HAPSTR1: variants seen among roughly 807,000 people sequenced by gnomAD.
HAPSTR1 encodes HUWE1-associated protein modifying stress responses 1.
At chr16:9,095,132 C>T in the HAPSTR1 span, among the ~76,000 whole-genome samples, 1 of 152,108 alleles carries the variant, frequency 6.6e-6, no homozygotes, top group African/African-American at 2.4e-5. Context: ...TTATTTTGTA[C>T]CTTGTTTCTG....
At chr16:9,105,700 C>CT in the HAPSTR1 span, 1 of 152,184 alleles carries the variant, frequency 6.6e-6, no homozygotes, top group Non-Finnish European at 1.5e-5. Context: ...ATATTATTTG[C>CT]TTAGCCAAAT....
At chr16:9,116,450 T>G in the HAPSTR1 span, among the ~76,000 whole-genome samples, 3 of 152,236 alleles carry the variant, frequency 2.0e-5, no homozygotes, top group South Asian at 6.2e-4. Flanking sequence ...TAATTGGTAG[T>G]TACCAATATT....
At chr16:9,095,010 G>A in the HAPSTR1 span, among the ~76,000 whole-genome samples, 2 of 152,100 alleles carry the variant, frequency 1.3e-5, no homozygotes, top group Non-Finnish European at 2.9e-5. Flanking sequence ...TTTACAATTT[G>A]TTTGTTTTCC....
the HAPSTR1 span, chr16:9,092,847 G>T: frequency 1.1e-5 from 15 of 1,401,360 alleles, no homozygotes; most frequent in South Asian, 1.8e-4. Context: ...TAACATTCTT[G>T]TTCTCTTTCT....
chr16:9,110,443 A>G, the HAPSTR1 span: 3 of 152,138 alleles, frequency 2.0e-5, no homozygotes, highest in African/African-American at 2.4e-5. Context: ...CTAAACCAGT[A>G]AGATTTTCTT....
At chr16:9,106,555 G>C in the HAPSTR1 span, 1 of 151,820 alleles carries the variant, frequency 6.6e-6, no homozygotes, top group Admixed American at 6.6e-5. Flanking sequence ...CTAAGTGGTG[G>C]GATTGCAGGT....
chr16:9,117,499 A>G, the HAPSTR1 span: 3 of 153,714 alleles, frequency 2.0e-5, no homozygotes, highest in Non-Finnish European at 4.4e-5. Context: ...AGGTGCTATG[A>G]TGGTCATGCA....
the HAPSTR1 span, chr16:9,119,163 C>A: frequency 6.6e-6 from 1 of 152,554 alleles, no homozygotes; most frequent in African/African-American, 2.4e-5. Context: ...CTTCTCTGTC[C>A]CATTGCTTTC....
the HAPSTR1 span, chr16:9,092,895 T>G: frequency 2.0e-6 from 3 of 1,503,054 alleles, no homozygotes; most frequent in Admixed American, 4.5e-5. Flanking sequence ...CTTTTTGGTT[T>G]TTTTTTTTTT....
At chr16:9,099,271 C>T in the HAPSTR1 span, among the ~76,000 whole-genome samples, 1 of 112,140 alleles carries the variant, frequency 8.9e-6, no homozygotes, top group African/African-American at 2.7e-5. Flanking sequence ...AATCTTGGCT[C>T]ATTGCAACCT....
the HAPSTR1 span, chr16:9,118,766 G>T: frequency 1.3e-5 from 2 of 152,618 alleles, no homozygotes; most frequent in Admixed American, 1.3e-4. Flanking sequence ...CTGGAATTGG[G>T]GTTTGGTGGT....
chr16:9,091,695 C>G, the HAPSTR1 span: 13 of 399,268 alleles, frequency 3.3e-5, no homozygotes, highest in South Asian at 1.3e-4. Context: ...GCGGAGGGCT[C>G]GGCGATCAGC....
At chr16:9,108,836 C>A in the HAPSTR1 span, 2 of 152,104 alleles carry the variant, frequency 1.3e-5, no homozygotes, top group Admixed American at 6.6e-5. Context: ...GATATACTTA[C>A]AAGACATTAT....
At chr16:9,093,039 G>T in the HAPSTR1 span, 1 of 1,566,542 alleles carries the variant, frequency 6.4e-7, no homozygotes, top group Admixed American at 1.8e-5. Flanking sequence ...TTCAGGGAAG[G>T]GCCGCCTGCG....
chr16:9,107,084 T>C, the HAPSTR1 span: 1 of 152,316 alleles, frequency 6.6e-6, no homozygotes, highest in East Asian at 1.9e-4. Flanking sequence ...ACCTCTCGTT[T>C]AGACCTTCTC....
the HAPSTR1 span, chr16:9,105,995 C>T: frequency 0.89 from 135,228 of 152,300 alleles, 60,125 homozygotes; most frequent in African/African-American, 0.93. Context: ...GCAGACTTGA[C>T]ACCTGCTGAA....
the HAPSTR1 span, chr16:9,093,127 G>C: frequency 5.3e-6 from 5 of 951,414 alleles, no homozygotes; most frequent in South Asian, 7.6e-5. Context: ...CTTGCAACTT[G>C]AGAATCGCGG....
chr16:9,114,887 A>G, the HAPSTR1 span, among the ~76,000 whole-genome samples: 4 of 152,264 alleles, frequency 2.6e-5, no homozygotes, highest in Non-Finnish European at 4.4e-5. Context: ...AGTACCTGAC[A>G]CAGGAAGTAT....
chr16:9,092,435 C>T, the HAPSTR1 span, among the ~76,000 whole-genome samples: 2 of 152,114 alleles, frequency 1.3e-5, no homozygotes, highest in East Asian at 1.9e-4. Flanking sequence ...CAAGATGGCG[C>T]CGCGGGAGGG....
Sources: gnomAD v4.1 joint callset for allele counts (sites outside exome capture counted in the v4.1 genomes callset) on GRCh38, gnomAD v4.1.1 for gene constraint, MANE v1.5 for transcripts, NCBI Gene and HGNC (gene_info 2026-07-23, HGNC 2026-07-21) for gene names.